Variants in CPA3 observed in about 807,000 individuals in gnomAD.
CPA3 encodes the protein carboxypeptidase A3.
CPA3 carries 52 observed loss-of-function variants against 55.8 expected under a neutral mutation model. The ratio of observed to expected loss-of-function variants is 0.93; its 90% CI spans 0.75 to 1.17. The LOEUF (loss-of-function observed/expected upper bound fraction) is 1.17. Among genes scored for constraint, CPA3 ranks in the 50% most tolerant of loss-of-function variants. The probability of loss-of-function intolerance (pLI) is 0.00; values close to 1 mark genes in which losing one functional copy is unlikely to be tolerated. For synonymous variants in CPA3, 179 were observed against 171.2 expected (o/e 1.05, Z -0.36); for missense variants, 547 against 509.1 (o/e 1.07, Z -0.72).
intron 10 of CPA3, among the ~76,000 whole-genome samples, chr3:148,890,830 C>T (rs766422571): frequency 9.2e-5 from 14 of 152,116 alleles, no homozygotes; most frequent in African/African-American, 2.2e-4. Flanking sequence ...TAGTTTGGTA[C>T]GGTTTCATTT....
chr3:148,883,524 C>A, intron 8 of CPA3, 89 bp from the exon 9 acceptor site: 1 of 1,085,510 alleles, frequency 9.2e-7, no homozygotes, highest in Non-Finnish European at 1.4e-6. Context: ...ACATTTAAAA[C>A]ATTCTGTGAA....
intron 6 of CPA3, 76 bp downstream of exon 6, chr3:148,879,965 C>A: frequency 1.0e-6 from 1 of 991,328 alleles, no homozygotes; most frequent in Non-Finnish European, 1.6e-6. Context: ...CGACATCTTT[C>A]CAAACACGCA....
chr3:148,874,191 C>T (rs1478527080), intron 3 of CPA3, among the ~76,000 whole-genome samples: 4 of 152,130 alleles, frequency 2.6e-5, no homozygotes, highest in Non-Finnish European at 4.4e-5. Flanking sequence ...TCAACTCACA[C>T]TGTTTTTTTT....
Position 148,896,651 on chromosome 3 carries a change from G to C in CPA3, c.1198G>C (p.Glu400Gln), listed in dbSNP as rs369125831. The C allele has an allele frequency of 4.4e-6, 7 of 1,579,316 alleles. No individual in the cohort carries two copies. Among genetic ancestry groups the C allele is most frequent in the Admixed American group, 1.7e-5 (1 of 59,702 alleles). The change falls in exon 11 of 11, where the codon GAG (glutamate) becomes CAG (glutamine). Residue 400 changes from glutamate to glutamine, a missense_variant. Transcript: ENST00000296046. ...PESRIKPTCR[E>Q]TMLAVKFIAK... ...ATCCCGGATAAAGCCAACGTGCAGA[G>C]AGACCATGCTAGCTGTCAAATTTAT...
intron 10 of CPA3, 136 bp downstream of exon 10, chr3:148,886,313 C>A: frequency 3.2e-6 from 2 of 628,340 alleles, no homozygotes; most frequent in South Asian, 4.2e-5. Context: ...ACAGGATATT[C>A]TGAATTATAC....
chr3:148,886,727 A>G (rs1483075335), intron 10 of CPA3, among the ~76,000 whole-genome samples: 4 of 152,172 alleles, frequency 2.6e-5, no homozygotes, highest in East Asian at 1.9e-4. Flanking sequence ...TAGATGGAGT[A>G]GAGTCTACAT....
chr3:148,883,044 C>T (rs568509852), intron 8 of CPA3, among the ~76,000 whole-genome samples: 28 of 152,192 alleles, frequency 1.8e-4, no homozygotes, highest in Non-Finnish European at 3.2e-4. Flanking sequence ...CTACATCAGA[C>T]GATGCTTTAG....
In CPA3 at chr3:148,876,380, C is replaced by T. The variant is rs557298510; in HGVS notation, c.270-2061C>T. 3.3e-5 allele frequency among the ~76,000 whole-genome samples: 5 copies of T among 150,712 alleles called. No homozygotes were observed. The East Asian group carries it at 9.7e-4, about 29-fold the overall frequency. ...AATTCCTAAAATGATTCTGATAAGA[C>T]ATTTTTTTTTTTTTTGAGACAGAGT... On this transcript the variant is annotated intron_variant, in intron 3 of 10. Coordinates refer to ENST00000296046, the MANE Select transcript of CPA3 (RefSeq NM_001870.4).
At chr3:148,871,219 C>G (rs566747259) in intron 3 of CPA3, among the ~76,000 whole-genome samples, 36 of 152,260 alleles carry the variant, frequency 2.4e-4, no homozygotes, top group African/African-American at 8.7e-4. Flanking sequence ...GTATATGTGC[C>G]TAAATTATTA....
At position 148,896,719 on chromosome 3, in the gene CPA3, CTGTT is replaced by C. The variant is rs746848603; in HGVS notation, c.*15_*18del. ...AGCATACTTCCTAAAGAACTGCCCT[CTGTT>C]TGGAATAAGCCAATTAATCCTTTTT... On this transcript the variant is annotated 3_prime_UTR_variant, in exon 11 of 11. Coordinates refer to ENST00000296046, the MANE Select transcript of CPA3 (RefSeq NM_001870.4). The C allele has an allele frequency of 2.9e-5, 44 of 1,492,226 alleles. No individual in the cohort carries two copies. Among genetic ancestry groups the C allele is most frequent in the Non-Finnish European group, 4.0e-5 (44 of 1,098,116 alleles). 92.4% of individuals were successfully genotyped at this position (1,492,226 alleles called of 1,614,324 possible). A position where few individuals can be genotyped will look rare whatever the true frequency, so the allele number is the denominator to read the frequency against.
At chr3:148,893,080 A>G (rs1416622089) in intron 10 of CPA3, among the ~76,000 whole-genome samples, 1 of 152,216 alleles carries the variant, frequency 6.6e-6, no homozygotes, top group African/African-American at 2.4e-5. Context: ...ACAATTTATT[A>G]TTTAATGTAA....
intron 10 of CPA3, among the ~76,000 whole-genome samples, chr3:148,886,693 T>A (rs55662336): frequency 0.026 from 3,883 of 152,150 alleles, 174 homozygotes; most frequent in African/African-American, 0.089. Flanking sequence ...AGACCTCATC[T>A]AAAAAAAATC....
chr3:148,893,370 T>C (rs892947206), intron 10 of CPA3, among the ~76,000 whole-genome samples: 10 of 150,672 alleles, frequency 6.6e-5, no homozygotes, highest in African/African-American at 2.4e-4. Flanking sequence ...AACTAGAAAA[T>C]GTAATAACTT....
rs1033863442 is a variant in CPA3, at chr3:148,877,675, C to A, written c.270-766C>A. On this transcript the variant is annotated intron_variant, in intron 3 of 10. Coordinates refer to ENST00000296046, the MANE Select transcript of CPA3 (RefSeq NM_001870.4). ...GGCACGTTGTTTCAACACTTTGTAC[C>A]TCATTTTTCTCATCTGTACAATAAG... Among the ~76,000 whole-genome samples, 13 of 152,174 alleles carry A rather than the reference C, an allele frequency of 8.5e-5. No individual in the cohort carries two copies. The East Asian group carries it at 2.3e-3, about 27-fold the overall frequency.
At chr3:148,879,075 T>C (rs1364068369) in intron 5 of CPA3, among the ~76,000 whole-genome samples, 3 of 152,160 alleles carry the variant, frequency 2.0e-5, no homozygotes, top group African/African-American at 7.2e-5. Context: ...GATGAATGAA[T>C]GTCATGAAGG....
intron 3 of CPA3, among the ~76,000 whole-genome samples, chr3:148,876,991 T>C (rs1280858727): frequency 6.6e-6 from 1 of 152,176 alleles, no homozygotes; most frequent in East Asian, 1.9e-4. Flanking sequence ...GTGATAATAC[T>C]GACAAGATTA....
intron 3 of CPA3, among the ~76,000 whole-genome samples, chr3:148,876,212 A>G (rs1714198612): frequency 1.3e-5 from 2 of 151,562 alleles, no homozygotes; most frequent in Admixed American, 6.6e-5. Flanking sequence ...AAATATATAT[A>G]TATATAAATA....
At chr3:148,894,655 A>G (rs561719662) in intron 10 of CPA3, among the ~76,000 whole-genome samples, 1 of 88,206 alleles carries the variant, frequency 1.1e-5, no homozygotes, top group East Asian at 3.9e-4. Flanking sequence ...AAGATATACT[A>G]TGCCATAGGA....
chr3:148,872,043 C>A (rs1234166936), intron 3 of CPA3, among the ~76,000 whole-genome samples: 1 of 150,506 alleles, frequency 6.6e-6, no homozygotes, highest in East Asian at 1.9e-4. Context: ...CTTCATTAGA[C>A]AGGGTATATC....
Sources: allele counts gnomAD v4.1 joint callset (sites outside exome capture counted in the v4.1 genomes callset), GRCh38; gene constraint gnomAD v4.1.1; transcripts MANE v1.5; gene names NCBI Gene and HGNC (gene_info 2026-07-23, HGNC 2026-07-21).